The following ARHGEF10L variants were observed in gnomAD, a reference collection of about 807,000 sequenced individuals.
ARHGEF10L encodes rho guanine nucleotide exchange factor 10-like protein.
A neutral mutation model predicts 141.2 loss-of-function variants in ARHGEF10L; 69 were observed. The ratio of observed to expected loss-of-function variants is 0.49; its 90% confidence interval spans 0.40 to 0.60. The LOEUF is 0.60. Ranked by LOEUF, ARHGEF10L falls within the 20% of genes least tolerant of loss-of-function variation. The pLI is 0.00. For synonymous variants in ARHGEF10L, 711 were observed against 718.5 expected, an observed-to-expected ratio of 0.99 and a Z score of 0.17; for missense variants, 1,482 against 1,734.3, an observed-to-expected ratio of 0.85 and a Z score of 2.58.
intron 25 of ARHGEF10L, among the ~76,000 whole-genome samples, chr1:17,657,901 T>G (rs922259381): frequency 2.6e-5 from 4 of 152,178 alleles, no homozygotes; most frequent in African/African-American, 9.6e-5. Context: ...CTCTTACTGC[T>G]CGATTCACCA....
intron 1 of ARHGEF10L, among the ~76,000 whole-genome samples, chr1:17,564,761 T>A (rs1304972014): frequency 1.3e-5 from 2 of 152,048 alleles, no homozygotes; most frequent in Non-Finnish European, 2.9e-5. Flanking sequence ...GCTGTAGGAG[T>A]AAAGGGCTTG....
At position 17,696,926 on chromosome 1, in the gene ARHGEF10L, A is replaced by G; in HGVS notation, c.3386A>G (p.Asp1129Gly). Residue 1129 changes from aspartate to glycine, a missense_variant, in exon 29 of 29, where the codon GAC becomes GGC. This residue lies in a region of ARHGEF10L where 858 missense variants were observed against 966.3 expected (regional missense o/e 0.89). Transcript: ENST00000361221. Reference protein sequence around the residue: ...LAVATSILAPDILRSDQEEAE... With the variant: ...LAVATSILAPGILRSDQEEAE... Reference sequence around the variant, plus strand: ...GTGGCTACCAGCATCCTGGCCCCTGACATCCTGCGGAGTGACCAGGAGGAG... The same window carrying G: ...GTGGCTACCAGCATCCTGGCCCCTGGCATCCTGCGGAGTGACCAGGAGGAG... 1 of 1,610,936 alleles carries G rather than the reference A, an allele frequency of 6.2e-7. No individual in the cohort carries two copies. The highest frequency in any genetic ancestry group is 8.5e-7 in the Non-Finnish European group (1 of 1,178,610).
intron 27 of ARHGEF10L, chr1:17,691,329 A>G (rs1379395765): frequency 7.0e-6 from 2 of 284,764 alleles, no homozygotes; most frequent in Non-Finnish European, 1.3e-5. Context: ...AGGCCCCAGA[A>G]TGAGGTCTGC....
At chr1:17,541,392 C>A (rs973628462) in intron 1 of ARHGEF10L, among the ~76,000 whole-genome samples, 1 of 152,214 alleles carries the variant, frequency 6.6e-6, no homozygotes, top group Admixed American at 6.5e-5. Flanking sequence ...GTGCCTGGTG[C>A]ATAGTGGGTG....
rs555743516 is a variant in ARHGEF10L at position 17,682,946 on chromosome 1, A to T, written c.3010-4627A>T. On this transcript the variant is annotated intron_variant, in intron 26 of 28. Coordinates refer to ENST00000361221, the MANE Select transcript of ARHGEF10L (RefSeq NM_018125.4). ...CTGGTTGGGAGGAGAGCAGAGTTTG[A>T]TGAGCTGACAGCCTCCCCTGGCAAT... Among the ~76,000 whole-genome samples the T allele has an allele frequency of 3.3e-5, 5 of 152,254 alleles. No individual in the cohort carries two copies. The South Asian group carries it at 1.0e-3, about 32-fold the overall frequency.
chr1:17,678,247 G>A (rs760063991), intron 26 of ARHGEF10L, among the ~76,000 whole-genome samples: 2 of 152,104 alleles, frequency 1.3e-5, no homozygotes, highest in East Asian at 1.9e-4. Flanking sequence ...CCAACCCTCC[G>A]TCCTAAAGTG....
rs981499472 is a variant in ARHGEF10L, at chr1:17,688,840, T to A, written c.3184+1093T>A. On this transcript the variant is annotated intron_variant, in intron 27 of 28. Coordinates refer to ENST00000361221, the MANE Select transcript of ARHGEF10L (RefSeq NM_018125.4). ...GGTCCCTAACTCCCTCCCGAGGCCC[T>A]GGAAATCACCCTGGTTTCTGCTTCC... Among the ~76,000 whole-genome samples the A allele has an allele frequency of 4.6e-5, 7 of 152,058 alleles. No homozygotes were observed. The East Asian group carries it at 1.2e-3, about 25-fold the overall frequency.
chr1:17,644,055 G>A lies in ARHGEF10L; in HGVS notation c.2272+3753G>A, dbSNP rs1015813328. On this transcript the variant is annotated intron_variant, in intron 21 of 28. Transcript: ENST00000361221. This position sits in a 1 kb window ranked among gnomAD's most constrained non-coding sequence, Gnocchi z 4.5. The stretch of plus-strand genomic sequence containing the variant: ...TGCATTGCTGCCTCTTACCCTCCCC[G>A]GGCCCTTGGAGCTCCTCCCACCCAT... 5.9e-5 allele frequency among the ~76,000 whole-genome samples: 9 copies of A among 152,172 alleles called. No individual in the cohort carries two copies. Among genetic ancestry groups the A allele is most frequent in the East Asian group, 1.9e-4 (1 of 5,166 alleles).
intron 4 of ARHGEF10L, among the ~76,000 whole-genome samples, chr1:17,588,867 T>TGC (rs1179493809): frequency 1.7e-5 from 1 of 57,194 alleles, no homozygotes; most frequent in African/African-American, 8.9e-5. Context: ...TGTGTGTGTG[T>TGC]GTGTGTGTGT....
the ARHGEF10L span, among the ~76,000 whole-genome samples, chr1:17,516,336 C>G: frequency 6.6e-6 from 1 of 152,274 alleles, no homozygotes; most frequent in Non-Finnish European, 1.5e-5. Context: ...CTCCTCGGGC[C>G]TTTGCAGGGC....
chr1:17,697,332 G>A lies in ARHGEF10L; in HGVS notation c.3792G>A (p.Gly1264=). 6.2e-7 allele frequency: 1 copy of A among 1,611,220 alleles called. No individual in the cohort carries two copies. Among genetic ancestry groups the A allele is most frequent in the Non-Finnish European group, 8.5e-7 (1 of 1,178,920 alleles). The stretch of plus-strand genomic sequence containing the variant: ...GCAGTGGGAGGCAGGCCCCGTGTGG[G>A]GAGACGGACAGCACCCTCCTCATCT... The part of the protein sequence containing the change: ...LGSSGRQAPC[G]ETDSTLLIWQ... Residue 1264 remains glycine (G), a synonymous_variant, in exon 29 of 29, where the codon GGG becomes GGA. Coordinates refer to ENST00000361221, the MANE Select transcript of ARHGEF10L (RefSeq NM_018125.4). This position sits in a 1 kb window ranked among gnomAD's most constrained non-coding sequence, Gnocchi z 4.8.
At chr1:17,687,509 G>A in intron 26 of ARHGEF10L, 64 bp from the exon 27 acceptor site, 1 of 1,580,894 alleles carries the variant, frequency 6.3e-7, no homozygotes, top group South Asian at 1.1e-5. Flanking sequence ...CAGGGGTGGG[G>A]GCTTGTAGGG....
chr1:17,695,218 C>A lies in ARHGEF10L; in HGVS notation c.3245C>A (p.Thr1082Asn). 6.2e-7 allele frequency: 1 copy of A among 1,612,242 alleles called. No homozygotes were observed. Among genetic ancestry groups the A allele is most frequent in the South Asian group, 1.1e-5 (1 of 90,936 alleles). The change falls in exon 28 of 29, where the codon ACT becomes AAT. Residue 1082 changes from threonine (T) to asparagine (N), a missense_variant. By Grantham distance (65) the Thr-to-Asn change is moderately conservative. Transcript: ENST00000361221. ...TGCCAGGGTCTGCTCTGGGTGGGCA[C>A]TGACCAGGGTGTCATCGTCCTGCTG... Reference protein sequence around the residue: ...LICQGLLWVGTDQGVIVLLPV... With the variant: ...LICQGLLWVGNDQGVIVLLPV...
chr1:17,670,276 G>A (rs559121179), intron 26 of ARHGEF10L, among the ~76,000 whole-genome samples: 5 of 152,330 alleles, frequency 3.3e-5, no homozygotes, highest in East Asian at 3.9e-4. Context: ...GCTGGCACCC[G>A]CGGTCTGTCT....
rs2060328535 is a variant in ARHGEF10L, at chr1:17,625,416, T to C, written c.1318-540T>C. ...ACCTCCAGGCCCAGGGCCTAGGATG[T>C]AATATTTCAGGTAATGGGGAGCCAT... On this transcript the variant is annotated intron_variant, in intron 13 of 28. Coordinates refer to ENST00000361221, the MANE Select transcript of ARHGEF10L (RefSeq NM_018125.4). This position sits in a 1 kb window ranked among gnomAD's most constrained non-coding sequence, Gnocchi z 4.5. Among the ~76,000 whole-genome samples, 1 of 152,104 alleles carries C rather than the reference T, an allele frequency of 6.6e-6. No homozygotes were observed. The highest frequency in any genetic ancestry group is 2.4e-5 in the African/African-American group (1 of 41,412).
intron 1 of ARHGEF10L, among the ~76,000 whole-genome samples, chr1:17,556,272 C>G (rs59005680): frequency 0.12 from 789 of 6,390 alleles, 17 homozygotes; most frequent in African/African-American, 0.29. Context: ...AGCATGGCGG[C>G]GGGGGGGGGG....
At position 17,640,034 on chromosome 1, in the gene ARHGEF10L, C is replaced by T. The variant is rs147794957; in HGVS notation, c.2172-168C>T. The T allele has an allele frequency of 2.3e-4, 345 of 1,469,146 alleles. No homozygotes were observed. The African/African-American group carries it at 3.4e-3, about 14-fold the overall frequency. The allele number at this position is 1,469,146 out of a possible 1,614,324, so 91.0% of individuals were successfully genotyped here. Reference sequence around the variant, plus strand: ...CGGAGGGATTCCTCCCCCAGGGGACCGAGGCTTTGCCAAGCCACTGACCTC... The same window carrying T: ...CGGAGGGATTCCTCCCCCAGGGGACTGAGGCTTTGCCAAGCCACTGACCTC... On this transcript the variant is annotated intron_variant, in intron 20 of 28. Transcript: ENST00000361221.
At chr1:17,517,369 G>A in the ARHGEF10L span, among the ~76,000 whole-genome samples, 5 of 152,064 alleles carry the variant, frequency 3.3e-5, no homozygotes, top group Admixed American at 3.3e-4. Flanking sequence ...TTGGTCTGTC[G>A]CCCAGGCTGG....
At chr1:17,580,664 T>A (rs2078458420) in intron 2 of ARHGEF10L, 32 bp downstream of exon 2, 1 of 1,613,924 alleles carries the variant, frequency 6.2e-7, no homozygotes, top group Non-Finnish European at 8.5e-7. Flanking sequence ...GTCCCTCTCA[T>A]CCTTTCTTAG....
Sources: gnomAD v4.1 joint callset for allele counts (sites outside exome capture counted in the v4.1 genomes callset) on GRCh38, gnomAD v4.1.1 for gene constraint, gnomAD v4.1.1 regional missense constraint, Gnocchi (gnomAD v3.1) non-coding constraint, MANE v1.5 for transcripts, NCBI Gene and HGNC (gene_info 2026-07-23, HGNC 2026-07-21) for gene names.